The following DNM3 variants were observed in gnomAD, a reference collection of about 807,000 sequenced individuals.
DNM3 encodes the protein dynamin 3.
In DNM3, 47 loss-of-function variants were observed where a neutral mutation model predicts 101.6. The observed-to-expected ratio is 0.46, with a 90% CI of 0.37 to 0.59. The LOEUF is 0.59. DNM3 is among the 20% of genes least tolerant of loss of function. DNM3 has a pLI of 0.00. For missense variants in DNM3, 849 were observed against 1,085.7 expected, an observed-to-expected ratio of 0.78 and a Z score of 3.06; for synonymous variants, 385 against 387.9, an observed-to-expected ratio of 0.99 and a Z score of 0.09.
At chr1:172,354,867 C>G (rs1358919970) in intron 17 of DNM3, among the ~76,000 whole-genome samples, 2 of 151,994 alleles carry the variant, frequency 1.3e-5, no homozygotes, top group Non-Finnish European at 2.9e-5. Context: ...GGAATTGGAA[C>G]CAAGACCCCT....
At chr1:172,040,232 A>T (rs1171864564) in intron 7 of DNM3, among the ~76,000 whole-genome samples, 1 of 152,148 alleles carries the variant, frequency 6.6e-6, no homozygotes, top group Non-Finnish European at 1.5e-5. Flanking sequence ...ATACCTCTCC[A>T]GGTGTTTTTA....
chr1:172,221,107 G>A (rs2060890972), intron 14 of DNM3, among the ~76,000 whole-genome samples: 1 of 151,946 alleles, frequency 6.6e-6, no homozygotes, highest in Non-Finnish European at 1.5e-5. Flanking sequence ...ACATATGGAG[G>A]TATGGGAACT....
intron 14 of DNM3, among the ~76,000 whole-genome samples, chr1:172,185,452 A>G (rs768622477): frequency 9.2e-5 from 14 of 152,210 alleles, no homozygotes; most frequent in South Asian, 2.1e-4. Context: ...TTAGCTCTCT[A>G]TTGGAAACCA....
At chr1:172,295,682 C>A (rs1172352696) in intron 15 of DNM3, among the ~76,000 whole-genome samples, 1 of 152,080 alleles carries the variant, frequency 6.6e-6, no homozygotes, top group African/African-American at 2.4e-5. Flanking sequence ...CATTTAAAAA[C>A]AGCAAATTGT....
intron 14 of DNM3, chr1:172,140,148 T>A (rs1240177402): frequency 6.6e-6 from 1 of 152,004 alleles, no homozygotes; most frequent in Non-Finnish European, 1.5e-5. Flanking sequence ...AGCAAAATAG[T>A]TTTAGATACT....
intron 1 of DNM3, among the ~76,000 whole-genome samples, chr1:171,885,878 T>C (rs2036717145): frequency 1.3e-5 from 2 of 152,072 alleles, no homozygotes; most frequent in Admixed American, 6.6e-5. Context: ...GGTGGATAGA[T>C]CTTGGACTTT....
chr1:172,075,462 T>C (rs1177498357), intron 11 of DNM3, among the ~76,000 whole-genome samples: 1 of 152,252 alleles, frequency 6.6e-6, no homozygotes, highest in African/African-American at 2.4e-5. Context: ...TGTTTAAGTC[T>C]TTAATCCATC....
intron 15 of DNM3, among the ~76,000 whole-genome samples, chr1:172,283,780 A>AAAAAAAAAAAAAAAAGAAAG (rs1553221113): frequency 2.5e-5 from 3 of 119,102 alleles, no homozygotes; most frequent in East Asian, 2.6e-4. Context: ...AAAAAAAAAA[A>AAAAAAAAAAAAAAAAGAAAG]AAAGAAAGAA....
intron 10 of DNM3, among the ~76,000 whole-genome samples, chr1:172,061,563 T>C (rs1302413718): frequency 6.6e-6 from 1 of 151,506 alleles, no homozygotes; most frequent in African/African-American, 2.4e-5. Flanking sequence ...ATGGATGAAA[T>C]TGGAAATCAT....
intron 17 of DNM3, among the ~76,000 whole-genome samples, chr1:172,354,112 T>TGAGAGAGAGAGAGAGAGAGAGAGAGA (rs71563205): frequency 2.4e-4 from 23 of 94,964 alleles, no homozygotes; most frequent in South Asian, 1.3e-3. Context: ...TGTGTGTGTG[T>TGAGAGAGAGAGAGAGAGAGAGAGAGA]GAGAGAGAGA....
At chr1:172,362,489 A>C (rs2067792266) in intron 17 of DNM3, among the ~76,000 whole-genome samples, 1 of 65,566 alleles carries the variant, frequency 1.5e-5, no homozygotes. Flanking sequence ...ATGAAAGGTG[A>C]ATTTTTCGAG....
At position 172,082,007 on chromosome 1, in the gene DNM3, G is replaced by A. The variant is rs917944330; in HGVS notation, c.1493+105G>A. 4.1e-6 allele frequency: 5 copies of A among 1,205,838 alleles called. No individual in the cohort carries two copies. In the Admixed American group the frequency reaches 9.5e-5, roughly 23 times the overall value. 74.7% of individuals were successfully genotyped at this position (1,205,838 alleles called of 1,614,324 possible). On this transcript the variant is annotated intron_variant, in intron 12 of 20. Transcript: ENST00000627582. ...TTCACCACCTTTGAGAATACAATCT[G>A]TGCCAGGATTAACTCTCAGTGTGCC...
chr1:172,399,654 T>A (rs935115032), intron 20 of DNM3, among the ~76,000 whole-genome samples: 6 of 152,242 alleles, frequency 3.9e-5, no homozygotes, highest in Non-Finnish European at 1.5e-5. Flanking sequence ...CTTTAAAAAA[T>A]TTTGTTTTTA....
At chr1:172,118,601 A>G (rs1004147871) in intron 13 of DNM3, among the ~76,000 whole-genome samples, 1 of 151,668 alleles carries the variant, frequency 6.6e-6, no homozygotes, top group African/African-American at 2.4e-5. Flanking sequence ...CATCTGGAAG[A>G]TGCTGAGAAA....
intron 17 of DNM3, among the ~76,000 whole-genome samples, chr1:172,375,153 G>T (rs1193789873): frequency 6.6e-6 from 1 of 151,942 alleles, no homozygotes; most frequent in African/African-American, 2.4e-5. Context: ...TTCATTATTT[G>T]AGTATGTAAA....
At position 171,987,804 on chromosome 1, in the gene DNM3, C is replaced by T. The variant is rs200490605; in HGVS notation, c.384C>T (p.His128=). ...TTAATTTACGAGTCTATTCCCCACA[C>T]GGTAAGTAAAATAATAAAATTCCAA... ...IPINLRVYSP[H]VLNLTLIDLP... is the part of the protein sequence containing the mutation. The change falls in exon 3 of 21, where the codon CAC becomes CAT. Residue 128 remains histidine (H), a splice_region_variant and synonymous_variant. Coordinates refer to ENST00000627582, the MANE Select transcript of DNM3 (RefSeq NM_015569.5). The T allele has an allele frequency of 2.7e-4, 416 of 1,543,304 alleles. No homozygotes were observed. In the African/African-American group the frequency reaches 2.9e-3, roughly 11 times the overall value.
chr1:171,968,228 TG>T (rs2043730903), intron 2 of DNM3, among the ~76,000 whole-genome samples: 1 of 152,242 alleles, frequency 6.6e-6, no homozygotes, highest in Admixed American at 6.5e-5. Context: ...GATTCTGTGA[TG>T]ACAGAAACTC....
Position 172,001,837 on chromosome 1 carries a change from T to A in DNM3, c.589+12689T>A, listed in dbSNP as rs550987537. Among the ~76,000 whole-genome samples the A allele has an allele frequency of 4.6e-5, 7 of 152,114 alleles. No homozygotes were observed. In the East Asian group the frequency reaches 1.4e-3, roughly 30 times the overall value. ...CTCCTTCAGCGTTTGCTTTTTGATA[T>A]CTCCCTCTTAAATCTGGAAAATGTT... is the stretch of plus-strand genomic sequence containing the variant. On this transcript the variant is annotated intron_variant, in intron 4 of 20. Transcript: ENST00000627582.
chr1:172,105,475 A>G (rs186884084), intron 13 of DNM3, among the ~76,000 whole-genome samples: 135 of 152,322 alleles, frequency 8.9e-4, no homozygotes, highest in African/African-American at 2.6e-3. Context: ...TTATCCCTCC[A>G]TCTGTTGATT....
Sources: allele counts gnomAD v4.1 joint callset (sites outside exome capture counted in the v4.1 genomes callset), GRCh38; gene constraint gnomAD v4.1.1; transcripts MANE v1.5; gene names NCBI Gene and HGNC (gene_info 2026-07-23, HGNC 2026-07-21).